Variants in SBF2 observed in about 807,000 individuals in gnomAD.
SBF2 encodes the protein SET binding factor 2.
SBF2 carries 112 observed loss-of-function variants against 225.2 expected under a neutral mutation model. The observed-to-expected ratio is 0.50, with a 90% CI of 0.43 to 0.58. The LOEUF (loss-of-function observed/expected upper bound fraction) is 0.58, where lower values mean the gene tolerates loss of function less well. Among genes scored for constraint, SBF2 ranks in the 20% least tolerant of loss-of-function variants. The pLI, the probability that SBF2 is intolerant of heterozygous loss-of-function variation, is 0.00. For synonymous variants in SBF2, 763 were observed against 773.3 expected (o/e 0.99, Z 0.22); for missense variants, 1,996 against 2,206.2 (o/e 0.90, Z 1.91).
chr11:10,253,211 G>A (rs990200415), intron 1 of SBF2, among the ~76,000 whole-genome samples: 5 of 151,144 alleles, frequency 3.3e-5, no homozygotes, highest in Admixed American at 2.0e-4. Flanking sequence ...AGAGCGTAGT[G>A]TTAAGGAATA....
At position 9,878,538 on chromosome 11, in the gene SBF2, T is replaced by A. The variant is rs189574654; in HGVS notation, c.1929+17405A>T. 4.3e-4 allele frequency among the ~76,000 whole-genome samples: 66 copies of A among 152,284 alleles called. No homozygotes were observed. The East Asian group carries it at 0.01, about 23-fold the overall frequency. On this transcript the variant is annotated intron_variant, in intron 17 of 39. Coordinates refer to ENST00000256190, the MANE Select transcript of SBF2 (RefSeq NM_030962.4). ...TTTTATGAATTAAACCTAAATAATT[T>A]AAAAAAATCTGTGTACATATAGTCT...
chr11:10,198,786 T>C (rs941415335), intron 1 of SBF2, among the ~76,000 whole-genome samples: 2 of 152,234 alleles, frequency 1.3e-5, no homozygotes, highest in African/African-American at 4.8e-5. Flanking sequence ...TGCACTTTCA[T>C]GTTATAGAGA....
intron 8 of SBF2, among the ~76,000 whole-genome samples, chr11:9,999,965 T>C (rs1947886116): frequency 1.3e-5 from 2 of 152,244 alleles, no homozygotes. Flanking sequence ...TCATAGATGC[T>C]ATGCAGCCTA....
At chr11:9,933,402 A>G (rs1407669760) in intron 16 of SBF2, among the ~76,000 whole-genome samples, 5 of 152,146 alleles carry the variant, frequency 3.3e-5, no homozygotes, top group Non-Finnish European at 5.9e-5. Context: ...TGACCACATA[A>G]TTGGAAGTAA....
chr11:10,050,399 C>T (rs1027699176), intron 2 of SBF2, among the ~76,000 whole-genome samples: 2 of 152,132 alleles, frequency 1.3e-5, no homozygotes, highest in East Asian at 3.9e-4. Flanking sequence ...ATACCGAACC[C>T]TGTATGTACT....
At chr11:9,905,471 T>A (rs912804351) in intron 16 of SBF2, among the ~76,000 whole-genome samples, 2 of 152,216 alleles carry the variant, frequency 1.3e-5, no homozygotes, top group Non-Finnish European at 2.9e-5. Context: ...TCAACAAATA[T>A]TTATTGAGTA....
intron 2 of SBF2, among the ~76,000 whole-genome samples, chr11:10,066,215 C>A (rs1055491505): frequency 1.3e-5 from 2 of 151,870 alleles, no homozygotes; most frequent in African/African-American, 2.4e-5. Flanking sequence ...TACTTTCCAA[C>A]CCATTTTATA....
rs142152565 is a variant in SBF2 at position 10,060,154 on chromosome 11, G to T, written c.142-17173C>A. 3.8e-3 allele frequency among the ~76,000 whole-genome samples: 579 copies of T among 152,176 alleles called. 4 individuals are homozygous for T. Among genetic ancestry groups the T allele is most frequent in the South Asian group, 5.2e-3 (25 of 4,822 alleles). On this transcript the variant is annotated intron_variant, in intron 2 of 39. Coordinates refer to ENST00000256190, the MANE Select transcript of SBF2 (RefSeq NM_030962.4). Reference sequence around the variant, plus strand: ...AGCTAGACTAATTACGAAGAAAAGAGAGAAAACCCAAATAAACAGAATTAG... The same window carrying T: ...AGCTAGACTAATTACGAAGAAAAGATAGAAAACCCAAATAAACAGAATTAG...
intron 16 of SBF2, chr11:9,929,140 T>C (rs1046986140): frequency 1.6e-5 from 4 of 254,936 alleles, no homozygotes; most frequent in Non-Finnish European, 3.0e-5. Context: ...GCTCATCCTT[T>C]TACAACTACA....
chr11:10,081,759 C>A (rs74369159), intron 2 of SBF2, among the ~76,000 whole-genome samples: 286 of 120,286 alleles, frequency 2.4e-3, no homozygotes, highest in South Asian at 3.7e-3. Flanking sequence ...GACTCCACCT[C>A]AAAAAAAAAA....
chr11:10,022,494 A>G (rs150957560), intron 6 of SBF2, among the ~76,000 whole-genome samples: 2,125 of 152,252 alleles, frequency 0.014, 52 homozygotes, highest in African/African-American at 0.048. Flanking sequence ...AAACCACACA[A>G]ATCAAATGTA....
chr11:10,062,051 TG>T (rs1241207295), intron 2 of SBF2, among the ~76,000 whole-genome samples: 1 of 152,138 alleles, frequency 6.6e-6, no homozygotes, highest in African/African-American at 2.4e-5. Context: ...CACACATCTA[TG>T]GCCATCTGAT....
chr11:10,040,030 G>C (rs890001560), intron 3 of SBF2, among the ~76,000 whole-genome samples: 1 of 151,882 alleles, frequency 6.6e-6, no homozygotes, highest in Non-Finnish European at 1.5e-5. Flanking sequence ...GCTAAAAATA[G>C]AGGGAGTATG....
At chr11:10,092,072 C>T (rs2134920192) in intron 2 of SBF2, among the ~76,000 whole-genome samples, 1 of 152,072 alleles carries the variant, frequency 6.6e-6, no homozygotes, top group Middle Eastern at 3.4e-3. Context: ...ATAAACTCAC[C>T]TACAAAGGAA....
intron 2 of SBF2, among the ~76,000 whole-genome samples, chr11:10,144,815 C>A (rs1035000208): frequency 1.3e-5 from 2 of 152,092 alleles, no homozygotes; most frequent in Admixed American, 1.3e-4. Context: ...AACAATTGGC[C>A]CCTAATGCCT....
In SBF2 at chr11:9,872,236, C is replaced by T. The variant is rs568820896; in HGVS notation, c.1930-13840G>A. Among the ~76,000 whole-genome samples, 3 of 152,288 alleles carry T rather than the reference C, an allele frequency of 2.0e-5. No individual in the cohort carries two copies. In the East Asian group the frequency reaches 5.8e-4, roughly 29 times the overall value. On this transcript the variant is annotated intron_variant, in intron 17 of 39. Transcript: ENST00000256190. ...CACAGGAACAGTAAACCTAACACTG[C>T]ATGTTCTTACTTATAGGCGGGAGCT...
chr11:10,293,993 C>T, intron 1 of SBF2, 22 bp downstream of exon 1: 2 of 1,333,496 alleles, frequency 1.5e-6, no homozygotes, highest in Non-Finnish European at 1.9e-6. Context: ...GGCCCGGGGG[C>T]GGTGCCGCCC....
intron 17 of SBF2, among the ~76,000 whole-genome samples, chr11:9,886,728 A>G (rs1191275575): frequency 2.3e-5 from 3 of 131,412 alleles, no homozygotes; most frequent in East Asian, 2.1e-4. Context: ...TATTTATGTC[A>G]TCTCATACTT....
At chr11:10,195,300 T>A (rs1461826565) in intron 1 of SBF2, among the ~76,000 whole-genome samples, 1 of 152,150 alleles carries the variant, frequency 6.6e-6, no homozygotes, top group Non-Finnish European at 1.5e-5. Context: ...AGACCACAGA[T>A]CTCTATCACT....
Sources: gnomAD v4.1 joint callset for allele counts (sites outside exome capture counted in the v4.1 genomes callset) on GRCh38, gnomAD v4.1.1 for gene constraint, MANE v1.5 for transcripts, NCBI Gene and HGNC (gene_info 2026-07-23, HGNC 2026-07-21) for gene names.